The following TRIM44 variants were observed in gnomAD, a reference collection of about 807,000 sequenced individuals.
The protein encoded by TRIM44 is tripartite motif containing 44.
Under a neutral mutation model 37.4 loss-of-function variants are expected in TRIM44, and 13 were observed. That is an observed-to-expected ratio of 0.35 (90% CI 0.23 to 0.55). TRIM44 has a LOEUF of 0.55. TRIM44 is among the 20% of genes least tolerant of loss of function. The pLI, the probability that TRIM44 is intolerant of heterozygous loss-of-function variation, is 0.89. For synonymous variants in TRIM44, 175 were observed against 157.2 expected (o/e 1.11, Z -0.85); for missense variants, 426 against 437.2 (o/e 0.97, Z 0.23).
At chr11:35,756,099 A>G (rs1450065744) in intron 4 of TRIM44, among the ~76,000 whole-genome samples, 4 of 152,206 alleles carry the variant, frequency 2.6e-5, no homozygotes, top group Non-Finnish European at 4.4e-5. Context: ...CTTGGGCAGT[A>G]TGGCCATTTT....
intron 4 of TRIM44, among the ~76,000 whole-genome samples, chr11:35,760,265 G>A (rs1160784057): frequency 9.2e-5 from 14 of 152,192 alleles, no homozygotes; most frequent in Admixed American, 4.6e-4. Context: ...AATCAGCGAG[G>A]CTCCGTGGGC....
chr11:35,663,192 G>C lies in TRIM44; in HGVS notation c.81G>C (p.Pro27=), dbSNP rs1851291282. 6.3e-7 allele frequency: 1 copy of C among 1,588,786 alleles called. No homozygotes were observed. Among genetic ancestry groups the C allele is most frequent in the Non-Finnish European group, 8.6e-7 (1 of 1,167,152 alleles). The change falls in exon 1 of 5, where the codon CCG becomes CCC. Residue 27 remains proline (P), a synonymous_variant. Coordinates refer to ENST00000299413, the MANE Select transcript of TRIM44 (RefSeq NM_017583.6). ...TCDECEPDEA[P]GAEEVCRECG... is the part of the protein sequence containing the mutation. ...ACGAGTGCGAGCCCGACGAGGCTCC[G>C]GGGGCCGAGGAAGTGTGCCGAGAAT...
intron 2 of TRIM44, among the ~76,000 whole-genome samples, chr11:35,702,839 G>A (rs1447371481): frequency 2.6e-5 from 4 of 152,232 alleles, no homozygotes; most frequent in Non-Finnish European, 4.4e-5. Flanking sequence ...CGCAGAAGAC[G>A]GGTGATTTCT....
chr11:35,761,209 G>C (rs972701078), intron 4 of TRIM44, among the ~76,000 whole-genome samples: 1 of 152,070 alleles, frequency 6.6e-6, no homozygotes, highest in Non-Finnish European at 1.5e-5. Flanking sequence ...GGTTGCTTAA[G>C]TTGATTCCAC....
At position 35,778,358 on chromosome 11, in the gene TRIM44, A is replaced by G. The variant is rs577106517; in HGVS notation, c.1008-28000A>G. On this transcript the variant is annotated intron_variant, in intron 4 of 4. Coordinates refer to ENST00000299413, the MANE Select transcript of TRIM44 (RefSeq NM_017583.6). ...TATTTATTCAGTTAGTCATTCATCT[A>G]ACCTTGTTTCAAGGTTTTTAGCTTC... Among the ~76,000 whole-genome samples, 12 of 152,254 alleles carry G rather than the reference A, an allele frequency of 7.9e-5. 1 individual carries two copies. The South Asian group carries it at 2.5e-3, about 32-fold the overall frequency.
intron 4 of TRIM44, among the ~76,000 whole-genome samples, chr11:35,739,799 T>C (rs1288502956): frequency 6.6e-6 from 1 of 152,166 alleles, no homozygotes; most frequent in African/African-American, 2.4e-5. Flanking sequence ...ACAAAAGTCC[T>C]AATATGTAAA....
intron 1 of TRIM44, among the ~76,000 whole-genome samples, chr11:35,675,562 G>A (rs1306387072): frequency 6.6e-6 from 1 of 152,100 alleles, no homozygotes; most frequent in Non-Finnish European, 1.5e-5. Context: ...TTGTTTGTTT[G>A]TTCATTTGAG....
rs1853461346 is a variant in TRIM44 at position 35,807,043 on chromosome 11, A to C, written c.*658A>C. 6.6e-6 allele frequency: 1 copy of C among 152,274 alleles called. No homozygotes were observed. Among genetic ancestry groups the C allele is most frequent in the South Asian group, 2.1e-4 (1 of 4,828 alleles). The allele number at this position is 152,274 out of a possible 1,614,324, so 9.4% of individuals were successfully genotyped here. Reference sequence around the variant, plus strand: ...GTGGAAATGAAAAAAATGATTGAAGAGGTGGAACGGAAATGACCTTAGGGG... The same window carrying C: ...GTGGAAATGAAAAAAATGATTGAAGCGGTGGAACGGAAATGACCTTAGGGG... On this transcript the variant is annotated 3_prime_UTR_variant, in exon 5 of 5. Transcript: ENST00000299413.
At chr11:35,758,358 C>A (rs1852675827) in intron 4 of TRIM44, among the ~76,000 whole-genome samples, 2 of 152,132 alleles carry the variant, frequency 1.3e-5, no homozygotes, top group African/African-American at 2.4e-5. Flanking sequence ...CTTAGTAGAT[C>A]TTCCTCCATC....
At chr11:35,778,603 C>T (rs1309145576) in intron 4 of TRIM44, among the ~76,000 whole-genome samples, 5 of 152,134 alleles carry the variant, frequency 3.3e-5, no homozygotes, top group Admixed American at 1.3e-4. Context: ...TTTTATCTAC[C>T]TGTAGTCTTT....
At chr11:35,773,936 G>A (rs570284212) in intron 4 of TRIM44, among the ~76,000 whole-genome samples, 4 of 152,268 alleles carry the variant, frequency 2.6e-5, no homozygotes, top group South Asian at 4.1e-4. Context: ...AAACATATGC[G>A]TGCATGTGTC....
intron 4 of TRIM44, among the ~76,000 whole-genome samples, chr11:35,784,873 C>T (rs1853109713): frequency 6.6e-6 from 1 of 152,048 alleles, no homozygotes; most frequent in African/African-American, 2.4e-5. Flanking sequence ...AGTACTTTTC[C>T]CTCTTGCAGT....
intron 4 of TRIM44, among the ~76,000 whole-genome samples, chr11:35,803,111 G>A (rs1853391713): frequency 6.6e-6 from 1 of 152,146 alleles, no homozygotes; most frequent in Non-Finnish European, 1.5e-5. Context: ...GAGATTCAGA[G>A]ATGTTAGTGA....
intron 2 of TRIM44, among the ~76,000 whole-genome samples, chr11:35,713,355 C>T (rs1043752228): frequency 2.0e-5 from 3 of 152,100 alleles, no homozygotes; most frequent in Admixed American, 6.6e-5. Flanking sequence ...GACTTGTTCA[C>T]GAGGCTAAAG....
intron 2 of TRIM44, among the ~76,000 whole-genome samples, chr11:35,702,318 G>A (rs1382160401): frequency 6.6e-6 from 1 of 152,184 alleles, no homozygotes; most frequent in East Asian, 1.9e-4. Flanking sequence ...GAGGGTGTGG[G>A]CGGCCCGTGC....
At chr11:35,669,241 A>G (rs994598253) in intron 1 of TRIM44, among the ~76,000 whole-genome samples, 1 of 152,106 alleles carries the variant, frequency 6.6e-6, no homozygotes. Context: ...CCTTCTACTA[A>G]ATTAATTTCT....
At chr11:35,784,510 G>A (rs1050906748) in intron 4 of TRIM44, among the ~76,000 whole-genome samples, 5 of 152,152 alleles carry the variant, frequency 3.3e-5, no homozygotes, top group African/African-American at 1.2e-4. Flanking sequence ...AATAAAAATT[G>A]TCTACTTCTT....
At chr11:35,720,488 G>A (rs1465134616) in intron 2 of TRIM44, among the ~76,000 whole-genome samples, 1 of 150,522 alleles carries the variant, frequency 6.6e-6, no homozygotes, top group Non-Finnish European at 1.5e-5. Flanking sequence ...CATCTGCAAA[G>A]ACAGTTTTAT....
At chr11:35,715,908 C>T (rs1309198353) in intron 2 of TRIM44, among the ~76,000 whole-genome samples, 2 of 152,110 alleles carry the variant, frequency 1.3e-5, no homozygotes, top group Non-Finnish European at 1.5e-5. Flanking sequence ...AGAACTCCCT[C>T]ATTATACAGT....
Sources: allele counts gnomAD v4.1 joint callset (sites outside exome capture counted in the v4.1 genomes callset), GRCh38; gene constraint gnomAD v4.1.1; transcripts MANE v1.5; gene names NCBI Gene and HGNC (gene_info 2026-07-23, HGNC 2026-07-21).